The following KALRN variants were observed in gnomAD, a reference collection of about 807,000 sequenced individuals.
KALRN encodes the protein kalirin.
In KALRN, 70 loss-of-function variants were observed where a neutral mutation model predicts 353.7. The observed-to-expected ratio is 0.20, with a 90% CI of 0.16 to 0.24. The LOEUF is 0.24. Among genes scored for constraint, KALRN ranks in the 10% least tolerant of loss-of-function variants. The probability of loss-of-function intolerance (pLI) is 1.00; values close to 1 mark genes in which losing one functional copy is unlikely to be tolerated. For synonymous variants in KALRN, 1,391 were observed against 1,434.8 expected, an observed-to-expected ratio of 0.97 and a Z score of 0.69; for missense variants, 2,791 against 3,756.7, an observed-to-expected ratio of 0.74 and a Z score of 6.72.
intron 2 of KALRN, among the ~76,000 whole-genome samples, chr3:124,229,830 A>G (rs959428330): frequency 1.3e-5 from 2 of 152,224 alleles, no homozygotes; most frequent in Admixed American, 1.3e-4. Flanking sequence ...TATTATTGCC[A>G]TTGCTGTTAG....
At chr3:124,714,675 A>C (rs2063048249) in intron 58 of KALRN, among the ~76,000 whole-genome samples, 1 of 152,170 alleles carries the variant, frequency 6.6e-6, no homozygotes. Context: ...CGGGGGAACA[A>C]AGTTATAGTT....
At chr3:124,279,050 T>G (rs1046593949) in intron 5 of KALRN, among the ~76,000 whole-genome samples, 11 of 152,220 alleles carry the variant, frequency 7.2e-5, no homozygotes, top group Admixed American at 1.3e-4. Flanking sequence ...GTGCACCTGT[T>G]CTCTCTGAAC....
chr3:124,306,191 C>T (rs2077681931), intron 6 of KALRN, among the ~76,000 whole-genome samples: 1 of 152,160 alleles, frequency 6.6e-6, no homozygotes, highest in Admixed American at 6.5e-5. Context: ...CCTCCCACCT[C>T]AGCCACCTGA....
intron 1 of KALRN, among the ~76,000 whole-genome samples, chr3:124,189,231 A>C (rs2074606525): frequency 6.6e-6 from 1 of 152,130 alleles, no homozygotes; most frequent in Non-Finnish European, 1.5e-5. Flanking sequence ...GAAGCTATCC[A>C]CCTCTTCTCA....
At chr3:124,706,694 C>T (rs527615068) in intron 57 of KALRN, among the ~76,000 whole-genome samples, 6 of 152,078 alleles carry the variant, frequency 3.9e-5, no homozygotes, top group East Asian at 1.9e-4. Flanking sequence ...CTCAGCCTCC[C>T]GAGCAGCTGG....
chr3:124,265,734 A>G (rs1423289757), intron 4 of KALRN, among the ~76,000 whole-genome samples: 1 of 152,246 alleles, frequency 6.6e-6, no homozygotes, highest in African/African-American at 2.4e-5. Context: ...ACACATGTGC[A>G]TAAATATTTA....
In KALRN at chr3:124,719,620, C is replaced by T; in HGVS notation, c.*150C>T. ...CTCTTAAACCTCGTCAGTGGTTATT[C>T]AGGGTCTGAGCAGCAGTAAAAGTCA... is the stretch of plus-strand genomic sequence containing the variant. On this transcript the variant is annotated 3_prime_UTR_variant, in exon 60 of 60. Coordinates refer to ENST00000682506, the MANE Select transcript of KALRN (RefSeq NM_001388419.1). The surrounding 1 kb of genome is among the most constrained non-coding windows in gnomAD (Gnocchi z 5.3). 1 of 756,256 alleles carries T rather than the reference C, an allele frequency of 1.3e-6. No individual in the cohort carries two copies. The highest frequency in any genetic ancestry group is 2.1e-6 in the Non-Finnish European group (1 of 477,872). The allele number at this position is 756,256 out of a possible 1,614,324, so 46.8% of individuals were successfully genotyped here.
intron 33 of KALRN, among the ~76,000 whole-genome samples, chr3:124,548,036 A>G (rs544313141): frequency 1.3e-5 from 2 of 152,312 alleles, no homozygotes; most frequent in African/African-American, 4.8e-5. Context: ...GCACTGCCAC[A>G]AGGAACTCTC....
At chr3:124,256,194 C>A (rs1050593527) in intron 3 of KALRN, among the ~76,000 whole-genome samples, 1 of 152,140 alleles carries the variant, frequency 6.6e-6, no homozygotes, top group African/African-American at 2.4e-5. Context: ...GAGAAAGTGG[C>A]ATTTGTCTCC....
chr3:124,256,260 T>C (rs1317489580), intron 3 of KALRN, among the ~76,000 whole-genome samples: 5 of 152,168 alleles, frequency 3.3e-5, no homozygotes, highest in Admixed American at 6.5e-5. Flanking sequence ...CATTGACAGG[T>C]GCTCAGCCCT....
At chr3:124,107,579 G>T (rs2062424241) in intron 1 of KALRN, among the ~76,000 whole-genome samples, 1 of 152,128 alleles carries the variant, frequency 6.6e-6, no homozygotes. Context: ...CTCCTTAACT[G>T]CTGCCTCATG....
intron 1 of KALRN, among the ~76,000 whole-genome samples, chr3:124,087,017 T>C (rs2060862427): frequency 6.6e-6 from 1 of 152,244 alleles, no homozygotes; most frequent in Non-Finnish European, 1.5e-5. Context: ...GCATAGTGTT[T>C]CTTTGTGAAA....
At chr3:124,425,367 C>T (rs1369107690) in intron 15 of KALRN, among the ~76,000 whole-genome samples, 2 of 152,122 alleles carry the variant, frequency 1.3e-5, no homozygotes, top group Non-Finnish European at 1.5e-5. Flanking sequence ...TCACATGTAT[C>T]CCATAAATAT....
intron 23 of KALRN, among the ~76,000 whole-genome samples, chr3:124,460,262 C>T (rs745525724): frequency 2.2e-4 from 33 of 152,164 alleles, no homozygotes; most frequent in Non-Finnish European, 4.0e-4. Context: ...CGTCATAATT[C>T]AGCCCATATC....
chr3:124,137,020 A>G (rs192885672), intron 1 of KALRN, among the ~76,000 whole-genome samples: 32 of 151,618 alleles, frequency 2.1e-4, no homozygotes, highest in Non-Finnish European at 3.7e-4. Flanking sequence ...GCACCTGGAA[A>G]GAATGTTTGA....
chr3:124,632,935 G>C (rs1421388744), intron 35 of KALRN, among the ~76,000 whole-genome samples: 15 of 152,224 alleles, frequency 9.9e-5, no homozygotes, highest in African/African-American at 2.4e-5. Flanking sequence ...CAGATTTGGA[G>C]ATAGGACCTG....
intron 5 of KALRN, among the ~76,000 whole-genome samples, chr3:124,289,254 A>G (rs761971975): frequency 2.2e-4 from 34 of 152,170 alleles, no homozygotes; most frequent in Non-Finnish European, 4.0e-4. Flanking sequence ...TGCCATCAAC[A>G]TATGAACTTG....
intron 1 of KALRN, chr3:124,080,069 A>AC (rs1474566643): frequency 4.2e-6 from 2 of 471,048 alleles, no homozygotes; most frequent in South Asian, 1.5e-5. Context: ...ATTGGATCCA[A>AC]CCCATTGTTC....
chr3:124,488,344 C>G (rs764926181), intron 29 of KALRN, 29 bp downstream of exon 29: 1 of 1,423,956 alleles, frequency 7.0e-7, no homozygotes, highest in Non-Finnish European at 9.9e-7. Flanking sequence ...CTGGGGAAGC[C>G]TCCTCTCTTC....
Sources: allele counts gnomAD v4.1 joint callset (sites outside exome capture counted in the v4.1 genomes callset), GRCh38; gene constraint gnomAD v4.1.1; non-coding constraint Gnocchi (gnomAD v3.1); transcripts MANE v1.5; gene names NCBI Gene and HGNC (gene_info 2026-07-23, HGNC 2026-07-21).